The following ARHGAP6 variants were observed in gnomAD, a reference collection of about 807,000 sequenced individuals.
ARHGAP6 encodes the protein rho GTPase-activating protein 6.
ARHGAP6 carries 16 observed loss-of-function variants against 55.7 expected under a neutral mutation model. The ratio of observed to expected loss-of-function variants is 0.29; its 90% confidence interval spans 0.19 to 0.44. The LOEUF is 0.44. Ranked by LOEUF, ARHGAP6 falls within the 20% of genes least tolerant of loss-of-function variation. The probability of loss-of-function intolerance (pLI) is 1.00; values close to 1 mark genes in which losing one functional copy is unlikely to be tolerated. For synonymous variants in ARHGAP6, 382 were observed against 360.9 expected (o/e 1.06, Z -0.66); for missense variants, 698 against 808.9 (o/e 0.86, Z 1.66).
intron 1 of ARHGAP6, among the ~76,000 whole-genome samples, chrX:11,479,841 C>T (rs1048910410): frequency 9.0e-6 from 1 of 110,881 alleles, no homozygotes. Context: ...GGGGGTATAC[C>T]GTGGAGGGAG....
At chrX:11,181,971 T>C (rs879007554) in intron 6 of ARHGAP6, 92 bp downstream of exon 6, 3 of 640,242 alleles carry the variant, frequency 4.7e-6, no homozygotes, top group Non-Finnish European at 7.2e-6. Flanking sequence ...AAAAAGATAA[T>C]CAAAATGGAA....
At chrX:11,298,404 A>G (rs1392909510) in intron 1 of ARHGAP6, 2 of 1,112,150 alleles carry the variant, frequency 1.8e-6, no homozygotes, top group East Asian at 3.0e-5. Flanking sequence ...GTAAAAAATC[A>G]TATCTGTGTA....
intron 1 of ARHGAP6, among the ~76,000 whole-genome samples, chrX:11,614,906 A>G (rs1423995342): frequency 9.0e-6 from 1 of 110,800 alleles, no homozygotes; most frequent in African/African-American, 3.3e-5. Flanking sequence ...TTAGAGAAAA[A>G]ATGTTTTAAA....
chrX:11,570,576 A>T (rs2051502019), intron 1 of ARHGAP6, among the ~76,000 whole-genome samples: 1 of 110,378 alleles, frequency 9.1e-6, no homozygotes, highest in African/African-American at 3.3e-5. Flanking sequence ...TACCACTATT[A>T]TTATCCCCCA....
chrX:11,439,046 G>A (rs944584726), intron 1 of ARHGAP6, among the ~76,000 whole-genome samples: 8 of 112,338 alleles, frequency 7.1e-5, no homozygotes, highest in African/African-American at 2.6e-4. Context: ...AATGCATGAT[G>A]ACAACAGATG....
At chrX:11,274,277 T>C (rs2047730037) in intron 1 of ARHGAP6, among the ~76,000 whole-genome samples, 1 of 111,896 alleles carries the variant, frequency 8.9e-6, no homozygotes. Context: ...GACCTTGAGG[T>C]GGCAACTGTT....
chrX:11,179,648 T>C (rs1206903050), intron 6 of ARHGAP6, among the ~76,000 whole-genome samples, 196 bp from the exon 7 acceptor site: 1 of 107,456 alleles, frequency 9.3e-6, no homozygotes, highest in Admixed American at 1.0e-4. Context: ...TGTGTGTGTG[T>C]ATACATATAT....
intron 1 of ARHGAP6, among the ~76,000 whole-genome samples, chrX:11,419,881 A>G (rs906039066): frequency 8.9e-6 from 1 of 112,641 alleles, no homozygotes; most frequent in Non-Finnish European, 1.9e-5. Flanking sequence ...TAAAGCCACA[A>G]CTCCAAATTC....
At chrX:11,654,472 C>T (rs753799794) in intron 1 of ARHGAP6, among the ~76,000 whole-genome samples, 2 of 112,040 alleles carry the variant, frequency 1.8e-5, no homozygotes, top group South Asian at 3.7e-4. Context: ...TTGGATCCAT[C>T]AGCATATCAT....
At chrX:11,520,387 G>A (rs755754988) in intron 1 of ARHGAP6, among the ~76,000 whole-genome samples, 32 of 102,027 alleles carry the variant, frequency 3.1e-4, no homozygotes, top group African/African-American at 1.1e-3. Context: ...GTTCAATTTC[G>A]ACCTATGAGT....
chrX:11,181,965 A>AAT, intron 6 of ARHGAP6, 98 bp downstream of exon 6: 2 of 672,142 alleles, frequency 3.0e-6, no homozygotes, highest in Non-Finnish European at 4.5e-6. Context: ...AAAAAAAAAA[A>AAT]GATAATCAAA....
At chrX:11,631,163 C>T (rs1241573823) in intron 1 of ARHGAP6, among the ~76,000 whole-genome samples, 1 of 111,336 alleles carries the variant, frequency 9.0e-6, no homozygotes, top group Non-Finnish European at 1.9e-5. Flanking sequence ...AGATCTTGTG[C>T]AATGTCTGTG....
At chrX:11,313,652 T>C (rs1212502228) in intron 1 of ARHGAP6, among the ~76,000 whole-genome samples, 1 of 112,292 alleles carries the variant, frequency 8.9e-6, no homozygotes, top group Non-Finnish European at 1.9e-5. Flanking sequence ...CTATAATTGA[T>C]TTTACTTGTT....
chrX:11,294,044 A>AT (rs2048040811), intron 1 of ARHGAP6, among the ~76,000 whole-genome samples: 1 of 112,629 alleles, frequency 8.9e-6, no homozygotes, highest in South Asian at 3.6e-4. Context: ...GGTCTTATTT[A>AT]TAGAATAATT....
chrX:11,166,142 C>T (rs2046014445), intron 9 of ARHGAP6, among the ~76,000 whole-genome samples: 1 of 111,618 alleles, frequency 9.0e-6, no homozygotes, highest in Non-Finnish European at 1.9e-5. Context: ...TTCTTTTCCG[C>T]CCTTTCCCAT....
intron 1 of ARHGAP6, among the ~76,000 whole-genome samples, chrX:11,648,806 C>A (rs1194716503): frequency 8.9e-6 from 1 of 111,756 alleles, no homozygotes; most frequent in Admixed American, 9.5e-5. Flanking sequence ...GTGACTGATT[C>A]TAAATGCTAC....
intron 1 of ARHGAP6, among the ~76,000 whole-genome samples, chrX:11,459,725 C>T (rs889777869): frequency 1.8e-5 from 2 of 111,502 alleles, no homozygotes; most frequent in East Asian, 5.7e-4. Context: ...TTCATTCACC[C>T]CAATTACCCT....
chrX:11,553,379 C>G (rs190643845), intron 1 of ARHGAP6, among the ~76,000 whole-genome samples: 1 of 110,768 alleles, frequency 9.0e-6, no homozygotes, highest in East Asian at 2.9e-4. Flanking sequence ...GCAGCTGGAA[C>G]TACAGGCGTG....
intron 3 of ARHGAP6, among the ~76,000 whole-genome samples, chrX:11,193,309 T>C (rs1316753442): frequency 8.9e-6 from 1 of 112,945 alleles, no homozygotes; most frequent in Non-Finnish European, 1.9e-5. Flanking sequence ...TTCCTTCTTT[T>C]ACTCTTGGAT....
Sources: allele counts gnomAD v4.1 joint callset (sites outside exome capture counted in the v4.1 genomes callset), GRCh38; gene constraint gnomAD v4.1.1; transcripts MANE v1.5; gene names NCBI Gene and HGNC (gene_info 2026-07-23, HGNC 2026-07-21).